The following TUSC3 variants were observed in gnomAD, a reference collection of about 807,000 sequenced individuals.
The protein encoded by TUSC3 is tumor suppressor candidate 3.
In TUSC3, 45 loss-of-function variants were observed where a neutral mutation model predicts 44.8. The observed-to-expected ratio is 1.00, with a 90% CI of 0.79 to 1.29. The LOEUF is 1.29. Among genes scored for constraint, TUSC3 ranks in the 50% most tolerant of loss-of-function variants. TUSC3 has a pLI of 0.00. For synonymous variants in TUSC3, 212 were observed against 152.9 expected (o/e 1.39, Z -2.85); for missense variants, 519 against 437.9 (o/e 1.19, Z -1.65).
chr8:15,659,366 A>G, intron 3 of TUSC3, 141 bp from the exon 4 acceptor site: 1 of 1,025,718 alleles, frequency 9.7e-7, no homozygotes, highest in Non-Finnish European at 1.4e-6. Flanking sequence ...AGACAAATAA[A>G]AACAGAAATT....
At chr8:15,512,283 G>A (rs997061358) in intron 2 of TUSC3, among the ~76,000 whole-genome samples, 1 of 152,130 alleles carries the variant, frequency 6.6e-6, no homozygotes. Flanking sequence ...ACCATAACGA[G>A]GGTGGGCCTC....
At chr8:15,719,971 T>C (rs1810232238) in intron 6 of TUSC3, among the ~76,000 whole-genome samples, 1 of 152,052 alleles carries the variant, frequency 6.6e-6, no homozygotes, top group Non-Finnish European at 1.5e-5. Flanking sequence ...CAAGCTAGAA[T>C]GCAGTGGCAT....
rs1807330712 is a variant in TUSC3 at position 15,659,597 on chromosome 8, T to A, written c.517T>A (p.Phe173Ile). Residue 173 changes from phenylalanine to isoleucine, a missense_variant, in exon 4 of 11, where the codon TTT (phenylalanine) becomes ATT (isoleucine). Transcript: ENST00000503731. ...ADTFDLQRIGFAAEQLAKWIA... is the reference protein window; with the variant it reads ...ADTFDLQRIGIAAEQLAKWIA... ...TACTTTTGACCTCCAAAGAATTGGA[T>A]TTGCAGCTGAGCAACTAGCAAAGTG... 1.9e-6 allele frequency: 3 copies of A among 1,613,506 alleles called. No individual in the cohort carries two copies. Among genetic ancestry groups the A allele is most frequent in the Non-Finnish European group, 2.5e-6 (3 of 1,179,710 alleles).
At chr8:15,669,241 GGA>G (rs1563163604) in intron 5 of TUSC3, among the ~76,000 whole-genome samples, 4 of 151,736 alleles carry the variant, frequency 2.6e-5, no homozygotes, top group Admixed American at 1.3e-4. Flanking sequence ...ACTCCAGTAT[GGA>G]TTGAATCCAT....
intron 1 of TUSC3, among the ~76,000 whole-genome samples, chr8:15,448,498 TC>T (rs1443114967): frequency 6.6e-6 from 1 of 152,056 alleles, no homozygotes; most frequent in African/African-American, 2.4e-5. Flanking sequence ...TTCACAGATG[TC>T]CCTCCCAACT....
chr8:15,680,080 C>T lies in TUSC3; in HGVS notation c.798+6244C>T, dbSNP rs148782631. On this transcript the variant is annotated intron_variant, in intron 6 of 10. Coordinates refer to ENST00000503731, the MANE Select transcript of TUSC3 (RefSeq NM_006765.4). Reference sequence around the variant, plus strand: ...GGCTATTTGTTCTCTGTTTGGGTTCCACATGAATTTTAGAATAGCTTTTTT... The same window carrying T: ...GGCTATTTGTTCTCTGTTTGGGTTCTACATGAATTTTAGAATAGCTTTTTT... Among the ~76,000 whole-genome samples, 347 of 150,470 alleles carry T rather than the reference C, an allele frequency of 2.3e-3. 1 individual carries two copies. The highest frequency in any genetic ancestry group is 8.1e-3 in the African/African-American group (334 of 41,408).
At chr8:15,530,447 T>C (rs1425986323) in intron 2 of TUSC3, among the ~76,000 whole-genome samples, 6 of 152,332 alleles carry the variant, frequency 3.9e-5, no homozygotes, top group Non-Finnish European at 7.3e-5. Context: ...AGACTTCGCA[T>C]GTATTCACTT....
intron 1 of TUSC3, among the ~76,000 whole-genome samples, chr8:15,480,923 T>C (rs1006746216): frequency 5.9e-5 from 9 of 152,064 alleles, no homozygotes; most frequent in African/African-American, 1.9e-4. Flanking sequence ...ATAGCATGGA[T>C]TGGAAACTTA....
Position 15,652,170 on chromosome 8 carries a change from C to T in TUSC3, c.426+1356C>T, listed in dbSNP as rs371363035. On this transcript the variant is annotated intron_variant, in intron 3 of 10. Coordinates refer to ENST00000503731, the MANE Select transcript of TUSC3 (RefSeq NM_006765.4). ...TAAAATGCAAAACTTAGTGCAGTTCCGGGGTTGATCTTTTCGGGTATCTTG... is the reference window on the plus strand; with the variant it reads ...TAAAATGCAAAACTTAGTGCAGTTCTGGGGTTGATCTTTTCGGGTATCTTG... Among the ~76,000 whole-genome samples the T allele has an allele frequency of 2.4e-4, 36 of 152,174 alleles. No individual in the cohort carries two copies. In the East Asian group the frequency reaches 4.1e-3, roughly 17 times the overall value.
the TUSC3 span, among the ~76,000 whole-genome samples, chr8:15,813,108 A>G: frequency 6.6e-6 from 1 of 152,070 alleles, no homozygotes; most frequent in Non-Finnish European, 1.5e-5. Flanking sequence ...AAAGACAAAA[A>G]AAATAAGAAA....
intron 5 of TUSC3, among the ~76,000 whole-genome samples, chr8:15,668,598 A>G (rs905154955): frequency 1.3e-5 from 2 of 151,784 alleles, no homozygotes; most frequent in Admixed American, 6.6e-5. Flanking sequence ...TTTGATGAAC[A>G]TATGTCCAAA....
chr8:15,516,430 A>G (rs1195044529), intron 2 of TUSC3, among the ~76,000 whole-genome samples: 1 of 152,144 alleles, frequency 6.6e-6, no homozygotes, highest in Non-Finnish European at 1.5e-5. Context: ...CAAGCATTAC[A>G]CTTGGGATCT....
intron 6 of TUSC3, among the ~76,000 whole-genome samples, chr8:15,716,948 C>G (rs745548836): frequency 6.6e-6 from 1 of 151,708 alleles, no homozygotes; most frequent in African/African-American, 2.4e-5. Flanking sequence ...ATTAAAATCC[C>G]TGAATATTTT....
At position 15,748,415 on chromosome 8, in the gene TUSC3, CAGTTTTCTACTTT is replaced by C; in HGVS notation, c.979_991del (p.Ser327GlnfsTer22). 1 of 1,613,470 alleles carries C rather than the reference CAGTTTTCTACTTT, an allele frequency of 6.2e-7. No individual in the cohort carries two copies. Among genetic ancestry groups the C allele is most frequent in the Non-Finnish European group, 8.5e-7 (1 of 1,179,582 alleles). The stretch of plus-strand genomic sequence containing the variant: ...GATTGGGCCTGGTGGTCTTCTTCTT[CAGTTTTCTACTTT>C]CAATATTTCGTTCCAAGTACCACGG... On this transcript the variant is annotated frameshift_variant, in exon 9 of 11. Transcript: ENST00000503731. LOFTEE classifies it high-confidence loss of function.
chr8:15,504,664 T>A, intron 2 of TUSC3, among the ~76,000 whole-genome samples: 1 of 138,682 alleles, frequency 7.2e-6, no homozygotes, highest in African/African-American at 2.6e-5. Flanking sequence ...TTTTTGTGTG[T>A]TTTTTTCGAG....
intron 1 of TUSC3, among the ~76,000 whole-genome samples, chr8:15,612,874 C>T (rs573151909): frequency 2.0e-4 from 31 of 151,988 alleles, no homozygotes; most frequent in Non-Finnish European, 2.5e-4. Context: ...AACCGATCAC[C>T]CACTCTTCAC....
At chr8:15,834,245 T>C in the TUSC3 span, among the ~76,000 whole-genome samples, 2 of 152,030 alleles carry the variant, frequency 1.3e-5, no homozygotes, top group African/African-American at 4.8e-5. Context: ...AATTACTTTC[T>C]TCATATTGAC....
the TUSC3 span, chr8:15,806,339 G>A: frequency 1.4e-6 from 1 of 725,974 alleles, no homozygotes; most frequent in Admixed American, 1.8e-5. Flanking sequence ...GCTTCTTTAT[G>A]ATTTCTTCTA....
At position 15,675,388 on chromosome 8, in the gene TUSC3, T is replaced by C. The variant is rs73528511; in HGVS notation, c.798+1552T>C. Among the ~76,000 whole-genome samples, 1,243 of 151,972 alleles carry C rather than the reference T, an allele frequency of 8.2e-3. 16 individuals are homozygous for C. The highest frequency in any genetic ancestry group is 0.029 in the African/African-American group (1,187 of 41,416). Reference sequence around the variant, plus strand: ...TACGAAAAGTTATTCAACATTCTTATGAAATGTTTTAACATATTGTATTCT... The same window carrying C: ...TACGAAAAGTTATTCAACATTCTTACGAAATGTTTTAACATATTGTATTCT... On this transcript the variant is annotated intron_variant, in intron 6 of 10. Transcript: ENST00000503731.
Sources: allele counts gnomAD v4.1 joint callset (sites outside exome capture counted in the v4.1 genomes callset), GRCh38; gene constraint gnomAD v4.1.1; transcripts MANE v1.5; gene names NCBI Gene and HGNC (gene_info 2026-07-23, HGNC 2026-07-21).